The following TNRC6B variants were observed in gnomAD, a reference collection of about 807,000 sequenced individuals.
TNRC6B encodes trinucleotide repeat-containing gene 6B protein.
TNRC6B carries 52 observed loss-of-function variants against 203.6 expected under a neutral mutation model. The ratio of observed to expected loss-of-function variants is 0.26; its 90% CI spans 0.20 to 0.32. The LOEUF (loss-of-function observed/expected upper bound fraction) is 0.32. Ranked by LOEUF, TNRC6B falls within the 10% of genes least tolerant of loss-of-function variation. The pLI is 1.00. For missense variants in TNRC6B, 1,923 were observed against 2,286.2 expected (o/e 0.84, Z 3.24); for synonymous variants, 838 against 845.7 (o/e 0.99, Z 0.16).
At chr22:40,099,233 G>A (rs1014944037) in intron 1 of TNRC6B, among the ~76,000 whole-genome samples, 2 of 148,434 alleles carry the variant, frequency 1.3e-5, no homozygotes, top group African/African-American at 2.5e-5. Flanking sequence ...TAGCCTGGGC[G>A]ATAGTGTGAG....
chr22:40,056,319 G>T (rs1469232283), intron 1 of TNRC6B, among the ~76,000 whole-genome samples: 1 of 152,214 alleles, frequency 6.6e-6, no homozygotes, highest in Non-Finnish European at 1.5e-5. Flanking sequence ...TTGACTTACG[G>T]TAATGCCGAT....
intron 12 of TNRC6B, among the ~76,000 whole-genome samples, chr22:40,295,232 T>G (rs2070922990): frequency 6.6e-6 from 1 of 152,142 alleles, no homozygotes; most frequent in African/African-American, 2.4e-5. Flanking sequence ...TCCTAGCATT[T>G]CGGGAGTCCG....
chr22:40,262,038 G>A lies in TNRC6B; in HGVS notation c.322G>A (p.Gly108Arg), dbSNP rs1202019043. Residue 108 changes from glycine (G) to arginine (R), a missense_variant, in exon 4 of 23, where the codon GGG becomes AGG. Gly to Arg is a moderately radical substitution (Grantham distance 125). Transcript: ENST00000454349. Reference sequence around the variant, plus strand: ...GGACCACAAAGTGTTACTAAAACGTGGGCAGCCCCCTCCACCGTCCTGCAT... The same window carrying A: ...GGACCACAAAGTGTTACTAAAACGTAGGCAGCCCCCTCCACCGTCCTGCAT... ...QQDHKVLLKR[G>R]QPPPPSCMLL... The A allele has an allele frequency of 6.3e-7, 1 of 1,599,722 alleles. No individual in the cohort carries two copies. The highest frequency in any genetic ancestry group is 8.5e-7 in the Non-Finnish European group (1 of 1,172,094).
intron 3 of TNRC6B, among the ~76,000 whole-genome samples, chr22:40,150,120 A>C (rs539589631): frequency 1.7e-4 from 26 of 152,294 alleles, no homozygotes; most frequent in African/African-American, 5.3e-4. Flanking sequence ...AGTGCCACTA[A>C]AATTATTTTT....
intron 3 of TNRC6B, among the ~76,000 whole-genome samples, chr22:40,137,773 C>T (rs982253098): frequency 2.0e-5 from 3 of 152,034 alleles, no homozygotes; most frequent in African/African-American, 4.8e-5. Flanking sequence ...TACTTGAGGT[C>T]AGGAGTTCCA....
chr22:40,121,105 CA>C (rs973784690), intron 2 of TNRC6B, among the ~76,000 whole-genome samples: 1 of 152,076 alleles, frequency 6.6e-6, no homozygotes, highest in African/African-American at 2.4e-5. Flanking sequence ...GCATCAGGAG[CA>C]GGGAAAAAAG....
At chr22:40,156,256 C>A in intron 4 of TNRC6B, 1 of 1,437,798 alleles carries the variant, frequency 7.0e-7, no homozygotes, top group Non-Finnish European at 9.6e-7. Context: ...TGCTGATAAG[C>A]GTGTTTGTCA....
intron 3 of TNRC6B, among the ~76,000 whole-genome samples, chr22:40,144,424 C>A (rs1426966937): frequency 6.6e-6 from 1 of 152,098 alleles, no homozygotes; most frequent in Non-Finnish European, 1.5e-5. Context: ...GCCTGTAATC[C>A]CAGCACTTTG....
chr22:40,208,121 A>AC (rs1419308486), intron 1 of TNRC6B, among the ~76,000 whole-genome samples: 4 of 150,002 alleles, frequency 2.7e-5, no homozygotes, highest in East Asian at 2.0e-4. Context: ...CAAAAAAAAA[A>AC]AAAAAAAAAA....
At chr22:40,106,381 C>A in intron 1 of TNRC6B, 4 of 1,230,030 alleles carry the variant, frequency 3.3e-6, no homozygotes, top group Non-Finnish European at 4.7e-6. Flanking sequence ...TCTCCACCTT[C>A]TACAAAATGG....
At position 40,056,163 on chromosome 22, in the gene TNRC6B, C is replaced by T. The variant is rs12628765; in HGVS notation, c.-121+11165C>T. On this transcript the variant is annotated intron_variant, in intron 1 of 23. Coordinates refer to the TNRC6B transcript ENST00000301923. ...CTCTAGCCATCTTCCATTCTATTTCCGCTAAGTTGCTTTCAGTTGCAGGAT... is the reference window on the plus strand; with the variant it reads ...CTCTAGCCATCTTCCATTCTATTTCTGCTAAGTTGCTTTCAGTTGCAGGAT... Among the ~76,000 whole-genome samples, 378 of 152,266 alleles carry T rather than the reference C, an allele frequency of 2.5e-3. 5 individuals are homozygous for T. In the East Asian group the frequency reaches 0.058, roughly 23 times the overall value.
At chr22:40,226,029 C>G (rs548018448) in intron 1 of TNRC6B, among the ~76,000 whole-genome samples, 142 of 152,286 alleles carry the variant, frequency 9.3e-4, no homozygotes, top group African/African-American at 3.2e-3. Flanking sequence ...AAGTCATTTT[C>G]TCACTGGTGT....
chr22:40,286,401 A>C (rs1016573983), intron 12 of TNRC6B, among the ~76,000 whole-genome samples: 1 of 152,106 alleles, frequency 6.6e-6, no homozygotes, highest in African/African-American at 2.4e-5. Context: ...TAGCTACTCA[A>C]GAGGCTGAGA....
chr22:40,295,706 AAC>A (rs925703586), intron 12 of TNRC6B, among the ~76,000 whole-genome samples: 6 of 152,072 alleles, frequency 3.9e-5, no homozygotes, highest in African/African-American at 1.4e-4. Context: ...GCATGAATAA[AAC>A]ACAGAGAAAG....
chr22:40,160,204 C>T (rs1267425353), intron 4 of TNRC6B, among the ~76,000 whole-genome samples: 3 of 152,062 alleles, frequency 2.0e-5, no homozygotes, highest in East Asian at 3.9e-4. Context: ...GGGCCAGGCG[C>T]GGTGACTCAC....
intron 3 of TNRC6B, among the ~76,000 whole-genome samples, chr22:40,139,829 A>T (rs1175341265): frequency 6.6e-6 from 1 of 152,144 alleles, no homozygotes; most frequent in Non-Finnish European, 1.5e-5. Context: ...CATATGGTTT[A>T]ACTTTTTGAG....
chr22:40,266,535 G>T lies in TNRC6B; in HGVS notation c.2305G>T (p.Val769Leu). The part of the protein sequence containing the change: ...SNWESSASKP[V>L]SGWGEGGQNE... ...TTGGGAAAGTTCTGCAAGTAAACCT[G>T]TGTCTGGGTGGGGTGAAGGAGGGCA... Residue 769 changes from valine (V) to leucine (L), a missense_variant, in exon 5 of 23, where the codon GTG becomes TTG. Physicochemically the swap from Val to Leu is conservative, Grantham distance 32. Coordinates refer to ENST00000454349, the MANE Select transcript of TNRC6B (RefSeq NM_001162501.2). 1.2e-6 allele frequency: 2 copies of T among 1,613,858 alleles called. No homozygotes were observed. Among genetic ancestry groups the T allele is most frequent in the Non-Finnish European group, 1.7e-6 (2 of 1,179,818 alleles).
intron 1 of TNRC6B, among the ~76,000 whole-genome samples, chr22:40,226,272 G>A (rs1021734214): frequency 4.6e-5 from 7 of 152,164 alleles, no homozygotes; most frequent in African/African-American, 1.7e-4. Context: ...AGTAGGGTAC[G>A]ACTGTCACCT....
At chr22:40,281,051 CCTT>C in intron 10 of TNRC6B, 65 bp from the exon 11 acceptor site, 1 of 1,308,108 alleles carries the variant, frequency 7.6e-7, no homozygotes, top group Non-Finnish European at 1.0e-6. Flanking sequence ...CTCTCTTTTC[CCTT>C]CTTGCATTCT....
Sources: allele counts gnomAD v4.1 joint callset (sites outside exome capture counted in the v4.1 genomes callset), GRCh38; gene constraint gnomAD v4.1.1; transcripts MANE v1.5; gene names NCBI Gene and HGNC (gene_info 2026-07-23, HGNC 2026-07-21).